Variants in TRIM2 observed in about 807,000 individuals in gnomAD.
TRIM2 encodes the protein tripartite motif containing 2.
TRIM2 carries 20 observed loss-of-function variants against 75.2 expected under a neutral mutation model. That is an observed-to-expected ratio of 0.27 (90% CI 0.19 to 0.39). The LOEUF (loss-of-function observed/expected upper bound fraction) is 0.39. TRIM2 is among the 10% of genes least tolerant of loss of function. The pLI is 1.00. For synonymous variants in TRIM2, 373 were observed against 388.3 expected (o/e 0.96, Z 0.46); for missense variants, 660 against 990.8 (o/e 0.67, Z 4.48).
chr4:153,288,305 C>T (rs1054418040), intron 3 of TRIM2, among the ~76,000 whole-genome samples: 19 of 152,062 alleles, frequency 1.2e-4, no homozygotes, highest in African/African-American at 1.9e-4. Flanking sequence ...GGGATGGTGG[C>T]GCGCACCTGT....
intron 1 of TRIM2, among the ~76,000 whole-genome samples, chr4:153,249,813 G>C (rs1046532245): frequency 2.6e-5 from 4 of 152,238 alleles, no homozygotes; most frequent in African/African-American, 7.2e-5. Context: ...TGGTAATGGA[G>C]CTCTGCTTAA....
intron 1 of TRIM2, among the ~76,000 whole-genome samples, chr4:153,188,285 C>T (rs895655837): frequency 7.9e-5 from 12 of 152,118 alleles, no homozygotes; most frequent in African/African-American, 1.4e-4. Context: ...CATGGTGAAA[C>T]GCCTTCTCTA....
intron 1 of TRIM2, among the ~76,000 whole-genome samples, chr4:153,173,726 G>A (rs1221752802): frequency 6.6e-6 from 1 of 151,896 alleles, no homozygotes; most frequent in Non-Finnish European, 1.5e-5. Context: ...CCTGCACTTT[G>A]GGAGGCCAAG....
chr4:153,229,442 G>A (rs1352970816), intron 1 of TRIM2, among the ~76,000 whole-genome samples: 1 of 152,074 alleles, frequency 6.6e-6, no homozygotes, highest in Non-Finnish European at 1.5e-5. Context: ...TTTTTTGGTA[G>A]AGACAGGGTT....
chr4:153,282,815 G>C (rs559366150), intron 3 of TRIM2, among the ~76,000 whole-genome samples: 20 of 151,210 alleles, frequency 1.3e-4, no homozygotes, highest in Non-Finnish European at 2.8e-4. Flanking sequence ...AGACAAAAAA[G>C]TCTCACTCTG....
At chr4:153,185,827 G>A (rs188745129) in intron 1 of TRIM2, among the ~76,000 whole-genome samples, 21 of 152,306 alleles carry the variant, frequency 1.4e-4, no homozygotes, top group African/African-American at 4.6e-4. Flanking sequence ...CTGGGGGCCA[G>A]TTAACCTGCC....
intron 3 of TRIM2, among the ~76,000 whole-genome samples, chr4:153,290,248 G>T (rs1035859896): frequency 6.6e-6 from 1 of 152,114 alleles, no homozygotes; most frequent in African/African-American, 2.4e-5. Flanking sequence ...AAACTTCTTG[G>T]ATTAAGAATT....
chr4:153,266,856 G>A (rs899216269), intron 1 of TRIM2: 7 of 147,414 alleles, frequency 4.7e-5, no homozygotes, highest in Middle Eastern at 3.3e-3. Context: ...TGTCATGTTT[G>A]TAACTATACT....
chr4:153,226,152 C>T (rs997018518), intron 1 of TRIM2, among the ~76,000 whole-genome samples: 3 of 152,136 alleles, frequency 2.0e-5, no homozygotes, highest in South Asian at 2.1e-4. Context: ...ATTATAGGCT[C>T]GAGCCACTGT....
intron 1 of TRIM2, among the ~76,000 whole-genome samples, chr4:153,177,754 T>TTCCTTCCTTCC (rs1731617350): frequency 1.7e-5 from 1 of 57,344 alleles, no homozygotes. Context: ...TCCTTCCTTC[T>TTCCTTCCTTCC]TTCCCTCCCA....
chr4:153,332,536 T>C (rs1579825070), intron 11 of TRIM2, among the ~76,000 whole-genome samples: 1 of 151,978 alleles, frequency 6.6e-6, no homozygotes, highest in East Asian at 1.9e-4. Flanking sequence ...TCCCAGCTAC[T>C]TGGGAGGCTG....
upstream of TRIM2, among the ~76,000 whole-genome samples, chr4:153,202,509 A>C (rs1236912713): frequency 6.6e-6 from 1 of 151,680 alleles, no homozygotes; most frequent in Non-Finnish European, 1.5e-5. Flanking sequence ...TCCTGGCTGA[A>C]ACCCAACTCT....
rs973211518 is a variant in TRIM2 at position 153,270,556 on chromosome 4, A to G, written c.215+37A>G. 6 of 1,555,098 alleles carry G rather than the reference A, an allele frequency of 3.9e-6. No individual in the cohort carries two copies. In the South Asian group the frequency reaches 7.3e-5, roughly 19 times the overall value. On this transcript the variant is annotated intron_variant, in intron 2 of 11. Transcript: ENST00000338700. ...TTGTGCTTGGAGAAGGGAGTTTCGC[A>G]GGCTGACCTCCTACAACCTACTGCA...
rs554396813 is a variant in TRIM2 at position 153,190,079 on chromosome 4, C to G, written c.-49+36809C>G. 2.0e-5 allele frequency among the ~76,000 whole-genome samples: 3 copies of G among 152,176 alleles called. No homozygotes were observed. In the South Asian group the frequency reaches 6.2e-4, roughly 32 times the overall value. On this transcript the variant is annotated intron_variant, in intron 1 of 11. Coordinates refer to the TRIM2 transcript ENST00000437508. ...TGTAATAAAATCTAAGTTTAAAGCT[C>G]AGCAAATTCCTTTCGGCTTGCAGAT...
intron 3 of TRIM2, among the ~76,000 whole-genome samples, chr4:153,288,115 C>T (rs551666191): frequency 6.6e-6 from 1 of 151,864 alleles, no homozygotes; most frequent in Non-Finnish European, 1.5e-5. Flanking sequence ...TTTCTGGCCT[C>T]TATAGTTTCT....
At chr4:153,169,671 A>G (rs1361136392) in intron 1 of TRIM2, among the ~76,000 whole-genome samples, 1 of 152,222 alleles carries the variant, frequency 6.6e-6, no homozygotes, top group Admixed American at 6.5e-5. Context: ...AAGCCATAGA[A>G]TTTGTAAAGA....
intron 1 of TRIM2, among the ~76,000 whole-genome samples, chr4:153,220,231 C>T (rs1024833072): frequency 6.6e-6 from 1 of 151,034 alleles, no homozygotes; most frequent in African/African-American, 2.4e-5. Context: ...AGTCTGTGCC[C>T]AGTAAATATA....
chr4:153,318,643 G>C (rs1768233415), intron 8 of TRIM2, among the ~76,000 whole-genome samples: 1 of 152,106 alleles, frequency 6.6e-6, no homozygotes, highest in Non-Finnish European at 1.5e-5. Context: ...ATATAGTTTG[G>C]AGGCAACCCA....
At chr4:153,285,922 G>T (rs528689531) in intron 3 of TRIM2, among the ~76,000 whole-genome samples, 1 of 152,178 alleles carries the variant, frequency 6.6e-6, no homozygotes, top group African/African-American at 2.4e-5. Flanking sequence ...CCGTTGACTA[G>T]AAGTGATAAG....
Sources: gnomAD v4.1 joint callset for allele counts (sites outside exome capture counted in the v4.1 genomes callset) on GRCh38, gnomAD v4.1.1 for gene constraint, MANE v1.5 for transcripts, NCBI Gene and HGNC (gene_info 2026-07-23, HGNC 2026-07-21) for gene names.